The following SLC26A7 variants were observed in gnomAD, a reference collection of about 807,000 sequenced individuals.
SLC26A7 encodes the protein solute carrier family 26 member 7.
A neutral mutation model predicts 82.5 loss-of-function variants in SLC26A7; 59 were observed. The ratio of observed to expected loss-of-function variants is 0.72; its 90% CI spans 0.58 to 0.89. The LOEUF (loss-of-function observed/expected upper bound fraction) is 0.89. Among genes scored for constraint, SLC26A7 ranks in the 40% least tolerant of loss-of-function variants. The pLI, the probability that SLC26A7 is intolerant of heterozygous loss-of-function variation, is 0.00. For missense variants in SLC26A7, 820 were observed against 793.0 expected, an observed-to-expected ratio of 1.03 and a Z score of -0.41; for synonymous variants, 271 against 274.3, an observed-to-expected ratio of 0.99 and a Z score of 0.12.
At chr8:91,221,751 C>A (rs1810163711) in intron 2 of SLC26A7, among the ~76,000 whole-genome samples, 1 of 152,152 alleles carries the variant, frequency 6.6e-6, no homozygotes, top group African/African-American at 2.4e-5. Flanking sequence ...GGTACCAGTA[C>A]AATGCTGTTT....
chr8:91,377,686 G>A (rs1490784903), intron 15 of SLC26A7, among the ~76,000 whole-genome samples: 1 of 152,148 alleles, frequency 6.6e-6, no homozygotes, highest in African/African-American at 2.4e-5. Flanking sequence ...AAGAGCAGAG[G>A]GACACCCTAA....
intron 2 of SLC26A7, among the ~76,000 whole-genome samples, chr8:91,233,380 A>G (rs1034973176): frequency 1.3e-5 from 2 of 152,070 alleles, no homozygotes; most frequent in African/African-American, 4.8e-5. Context: ...CAGCCTGACT[A>G]ACATGGCAAA....
intron 2 of SLC26A7, among the ~76,000 whole-genome samples, chr8:91,237,040 A>G (rs1353309541): frequency 6.6e-6 from 1 of 152,180 alleles, no homozygotes; most frequent in Non-Finnish European, 1.5e-5. Context: ...ATTCAAACCC[A>G]ATTTGACTGT....
At chr8:91,240,329 A>C (rs1810456973) in intron 2 of SLC26A7, among the ~76,000 whole-genome samples, 1 of 152,220 alleles carries the variant, frequency 6.6e-6, no homozygotes. Flanking sequence ...ATCTGTGTGC[A>C]ATGTAAACTT....
At chr8:91,344,379 A>G (rs1258561073) in intron 9 of SLC26A7, 1 of 172,972 alleles carries the variant, frequency 5.8e-6, no homozygotes, top group Non-Finnish European at 1.1e-5. Flanking sequence ...ATAAAAAATT[A>G]ACATTAACAG....
Position 91,377,751 on chromosome 8 carries a change from G to A in SLC26A7, c.1675+7918G>A, listed in dbSNP as rs142970771. Reference sequence around the variant, plus strand: ...TCACAGGGGTGAGGGGAACAGAGAAGCACCCCCACCTATGTTTTCCGTGAA... The same window carrying A: ...TCACAGGGGTGAGGGGAACAGAGAAACACCCCCACCTATGTTTTCCGTGAA... On this transcript the variant is annotated intron_variant, in intron 15 of 18. Transcript: ENST00000276609. 7.2e-5 allele frequency among the ~76,000 whole-genome samples: 11 copies of A among 152,270 alleles called. No homozygotes were observed. The East Asian group carries it at 2.1e-3, about 29-fold the overall frequency.
chr8:91,386,271 A>G (rs1420987937), intron 15 of SLC26A7, among the ~76,000 whole-genome samples: 2 of 152,166 alleles, frequency 1.3e-5, no homozygotes, highest in African/African-American at 2.4e-5. Context: ...TATAGACATT[A>G]CTATTATGTT....
chr8:91,343,260 A>G (rs759048962), intron 8 of SLC26A7, 93 bp from the exon 9 acceptor site: 13 of 765,244 alleles, frequency 1.7e-5, no homozygotes, highest in Non-Finnish European at 2.8e-5. Context: ...AAATCTGAAT[A>G]CAAACAAGCC....
At chr8:91,372,164 C>G (rs1321268356) in intron 15 of SLC26A7, among the ~76,000 whole-genome samples, 2 of 151,650 alleles carry the variant, frequency 1.3e-5, no homozygotes, top group African/African-American at 4.8e-5. Context: ...TTGTACATAT[C>G]TTTTCCCATT....
intron 15 of SLC26A7, among the ~76,000 whole-genome samples, chr8:91,375,920 C>T (rs1814503880): frequency 6.6e-6 from 1 of 151,746 alleles, no homozygotes; most frequent in African/African-American, 2.4e-5. Context: ...TTCTTAAAGG[C>T]TTTGTTTGAT....
Position 91,338,826 on chromosome 8 carries a change from G to A in SLC26A7, c.878+594G>A, listed in dbSNP as rs1813317188. Among the ~76,000 whole-genome samples the A allele has an allele frequency of 2.0e-5, 3 of 151,816 alleles. No individual in the cohort carries two copies. In the South Asian group the frequency reaches 6.2e-4, roughly 32 times the overall value. Reference sequence around the variant, plus strand: ...AAGAAAATAAAAATATATGAGGGAAGGAGGACAGTGTCTTATGGGTTATTC... The same window carrying A: ...AAGAAAATAAAAATATATGAGGGAAAGAGGACAGTGTCTTATGGGTTATTC... On this transcript the variant is annotated intron_variant, in intron 7 of 18. Transcript: ENST00000276609.
intron 2 of SLC26A7, among the ~76,000 whole-genome samples, chr8:91,269,681 A>G (rs927493475): frequency 6.6e-6 from 1 of 151,954 alleles, no homozygotes; most frequent in Non-Finnish European, 1.5e-5. Context: ...GAATTGAGAA[A>G]TTTTCAGCCA....
chr8:91,347,320 G>A (rs117592357), intron 9 of SLC26A7, among the ~76,000 whole-genome samples: 1,727 of 152,218 alleles, frequency 0.011, 22 homozygotes, highest in South Asian at 0.024. Context: ...CTATTGAACA[G>A]AAACATAATA....
intron 18 of SLC26A7, chr8:91,394,518 G>T: frequency 7.6e-7 from 1 of 1,310,318 alleles, no homozygotes; most frequent in Non-Finnish European, 9.7e-7. Context: ...ACAAATGCTG[G>T]GCTTATGGTT....
intron 4 of SLC26A7, among the ~76,000 whole-genome samples, chr8:91,311,758 A>C (rs919799019): frequency 3.3e-5 from 5 of 152,200 alleles, no homozygotes; most frequent in African/African-American, 1.2e-4. Context: ...GGGGAAAAGC[A>C]GGCTAGGGGA....
intron 15 of SLC26A7, among the ~76,000 whole-genome samples, chr8:91,372,231 A>G (rs1268546239): frequency 6.6e-6 from 1 of 151,912 alleles, no homozygotes; most frequent in East Asian, 1.9e-4. Context: ...GAAGGCCTCT[A>G]GTTTAACTAA....
intron 1 of SLC26A7, among the ~76,000 whole-genome samples, chr8:91,213,863 G>T (rs183510202): frequency 2.0e-5 from 3 of 152,268 alleles, no homozygotes; most frequent in Non-Finnish European, 4.4e-5. Context: ...AGGTTGGTTT[G>T]TGGATAGGAG....
At position 91,268,551 on chromosome 8, in the gene SLC26A7, G is replaced by A. The variant is rs536406536; in HGVS notation, c.193+18707G>A. 2.0e-5 allele frequency among the ~76,000 whole-genome samples: 3 copies of A among 151,688 alleles called. No individual in the cohort carries two copies. The South Asian group carries it at 6.2e-4, about 32-fold the overall frequency. On this transcript the variant is annotated intron_variant, in intron 2 of 18. Transcript: ENST00000276609. The stretch of plus-strand genomic sequence containing the variant: ...TAGAGATGAAGTGGGTTTTTTGTAG[G>A]CAGGATATAGTTGGACCTTATTTTA...
chr8:91,240,924 C>A (rs1228814367), intron 2 of SLC26A7, among the ~76,000 whole-genome samples: 1 of 152,074 alleles, frequency 6.6e-6, no homozygotes, highest in African/African-American at 2.4e-5. Context: ...TATTATAGGT[C>A]CAGGGCCATG....
Sources: allele counts gnomAD v4.1 joint callset (sites outside exome capture counted in the v4.1 genomes callset), GRCh38; gene constraint gnomAD v4.1.1; transcripts MANE v1.5; gene names NCBI Gene and HGNC (gene_info 2026-07-23, HGNC 2026-07-21).